The following MOV10L1 variants were observed in gnomAD, a reference collection of about 807,000 sequenced individuals.
The protein encoded by MOV10L1 is RNA helicase Mov10l1.
MOV10L1 carries 110 observed loss-of-function variants against 143.8 expected under a neutral mutation model. That is an observed-to-expected ratio of 0.76 (90% CI 0.66 to 0.90). The LOEUF (loss-of-function observed/expected upper bound fraction) is 0.90. Among genes scored for constraint, MOV10L1 ranks in the 40% least tolerant of loss-of-function variants. The pLI is 0.00. For missense variants in MOV10L1, 1,406 were observed against 1,526.8 expected (o/e 0.92, Z 1.32); for synonymous variants, 593 against 581.1 (o/e 1.02, Z -0.29).
intron 2 of MOV10L1, among the ~76,000 whole-genome samples, chr22:50,099,174 TA>T (rs2062672636): frequency 6.6e-6 from 1 of 152,202 alleles, no homozygotes; most frequent in African/African-American, 2.4e-5. Context: ...GGAATCTTAT[TA>T]GGAGGCTTTG....
chr22:50,152,498 C>A lies in MOV10L1; in HGVS notation c.2893-547C>A, dbSNP rs1030729846. Among the ~76,000 whole-genome samples the A allele has an allele frequency of 1.3e-4, 20 of 152,172 alleles. No homozygotes were observed. The highest frequency in any genetic ancestry group is 4.3e-4 in the African/African-American group (18 of 41,436). On this transcript the variant is annotated intron_variant, in intron 21 of 26. Transcript: ENST00000262794. This position sits in a 1 kb window ranked among gnomAD's most constrained non-coding sequence, Gnocchi z 4.4. ...AGTTGGAGGCAGACAGTAAAGGTGT[C>A]CCATGTACTGGTGATATCACAGTCA... is the stretch of plus-strand genomic sequence containing the variant.
chr22:50,128,435 C>G lies in MOV10L1; in HGVS notation c.1838C>G (p.Thr613Ser). Residue 613 changes from threonine to serine, a missense_variant, in exon 13 of 27, where the codon ACT (threonine) becomes AGT (serine). Coordinates refer to ENST00000262794, the MANE Select transcript of MOV10L1 (RefSeq NM_018995.3). ...TTTTAGATTCATGAAGAAGATGTAA[C>G]TCTTAAAATTAATCCAGAATTTGAA... ...YVTEIHEEDV[T>S]LKINPEFEQA... 1 of 1,525,624 alleles carries G rather than the reference C, an allele frequency of 6.6e-7. No homozygotes were observed. The allele number at this position is 1,525,624 out of a possible 1,614,324, so 94.5% of individuals were successfully genotyped here.
intron 13 of MOV10L1, among the ~76,000 whole-genome samples, chr22:50,130,418 C>T (rs997554892): frequency 1.3e-5 from 2 of 151,998 alleles, no homozygotes; most frequent in African/African-American, 2.4e-5. Flanking sequence ...ATTTGGGCTA[C>T]AGCCAGATTG....
At chr22:50,111,694 G>C (rs1484771382) in intron 5 of MOV10L1, among the ~76,000 whole-genome samples, 1 of 151,550 alleles carries the variant, frequency 6.6e-6, no homozygotes, top group Admixed American at 6.6e-5. Context: ...TAATAGAGAC[G>C]GGGTTTCACC....
At chr22:50,111,299 A>G (rs1339667861) in intron 5 of MOV10L1, among the ~76,000 whole-genome samples, 2 of 152,128 alleles carry the variant, frequency 1.3e-5, no homozygotes, top group Non-Finnish European at 2.9e-5. Flanking sequence ...GGAAAGGAAA[A>G]GGAACAGGGA....
rs750009723 is a variant in MOV10L1, at chr22:50,150,893, CCT to C, written c.2887_2888del (p.Leu963ValfsTer48). 3.3e-5 allele frequency: 53 copies of C among 1,614,048 alleles called. No homozygotes were observed. Among genetic ancestry groups the C allele is most frequent in the Non-Finnish European group, 3.1e-5 (37 of 1,180,034 alleles). The part of the protein sequence containing the change: ...AFGACGAHNP[L>X]LVTKLVKNYR... ...TCGGTGCTTGTGGCGCACATAATCC[CCT>C]GTTGGTGAGTCACAGACTCCAGCGC... On this transcript the variant is annotated frameshift_variant, in exon 21 of 27. Transcript: ENST00000262794. LOFTEE classifies it high-confidence loss of function.
intron 5 of MOV10L1, among the ~76,000 whole-genome samples, chr22:50,111,304 CAG>C (rs766966592): frequency 8.6e-5 from 13 of 152,022 alleles, no homozygotes; most frequent in South Asian, 6.2e-4. Flanking sequence ...GGAAAAGGAA[CAG>C]GGAGGGAGAG....
chr22:50,090,676 TTG>T lies in MOV10L1; in HGVS notation c.97+508_97+509del, dbSNP rs150705221. On this transcript the variant is annotated intron_variant, in intron 1 of 26. Coordinates refer to ENST00000262794, the MANE Select transcript of MOV10L1 (RefSeq NM_018995.3). ...TCACCGTTCCTTTCTCCTGAGGTGT[TTG>T]TGTGTGTGTGTGTGTGAGACGGAGT... 7.8e-3 allele frequency: 5,979 copies of T among 762,050 alleles called. 3 individuals are homozygous for T. Among genetic ancestry groups the T allele is most frequent in the African/African-American group, 0.01 (587 of 57,842 alleles). 47.2% of individuals were successfully genotyped at this position (762,050 alleles called of 1,614,324 possible).
chr22:50,128,823 G>A lies in MOV10L1; in HGVS notation c.1910+316G>A, dbSNP rs547661258. Among the ~76,000 whole-genome samples the A allele has an allele frequency of 9.3e-5, 14 of 150,960 alleles. No individual in the cohort carries two copies. The South Asian group carries it at 2.1e-3, about 23-fold the overall frequency. On this transcript the variant is annotated intron_variant, in intron 13 of 26. Coordinates refer to ENST00000262794, the MANE Select transcript of MOV10L1 (RefSeq NM_018995.3). ...CTCCCAAAGTGCTGGGATTACAGGCGTGAGTCACCACGCCCGGCCATCTTT... is the reference window on the plus strand; with the variant it reads ...CTCCCAAAGTGCTGGGATTACAGGCATGAGTCACCACGCCCGGCCATCTTT...
At chr22:50,136,865 A>T (rs2062834886) in intron 15 of MOV10L1, among the ~76,000 whole-genome samples, 1 of 152,206 alleles carries the variant, frequency 6.6e-6, no homozygotes, top group South Asian at 2.1e-4. Flanking sequence ...AAAAGTTGAC[A>T]CAGTGCCAGA....
intron 13 of MOV10L1, among the ~76,000 whole-genome samples, chr22:50,129,548 T>TA (rs1468983449): frequency 2.0e-5 from 3 of 152,234 alleles, no homozygotes; most frequent in South Asian, 2.1e-4. Flanking sequence ...TGTTTGCTGT[T>TA]ACGATTGTTT....
intron 24 of MOV10L1, 147 bp from the exon 25 acceptor site, chr22:50,160,541 C>G: frequency 9.8e-7 from 1 of 1,023,198 alleles, no homozygotes; most frequent in Non-Finnish European, 1.4e-6. Context: ...CGTGAGCCAC[C>G]GCGCCCGGCC....
intron 15 of MOV10L1, among the ~76,000 whole-genome samples, chr22:50,141,146 G>T (rs35273734): frequency 0.23 from 34,488 of 151,806 alleles, 4,282 homozygotes; most frequent in Admixed American, 0.35. Flanking sequence ...CACCTCCCGG[G>T]TTCAAGCTAT....
intron 9 of MOV10L1, among the ~76,000 whole-genome samples, chr22:50,119,242 C>T (rs559494514): frequency 6.6e-6 from 1 of 152,304 alleles, no homozygotes; most frequent in Admixed American, 6.5e-5. Flanking sequence ...AGTTTCCTGC[C>T]ACTCAGGTTA....
chr22:50,149,653 G>A lies in MOV10L1; in HGVS notation c.2666G>A (p.Gly889Glu), dbSNP rs763186580. Residue 889 changes from glycine to glutamate, a missense_variant, in exon 20 of 27, where the codon GGG becomes GAG. By Grantham distance (98) the Gly-to-Glu change is moderately conservative. Around this residue, in one of 3 missense-constraint regions of MOV10L1, gnomAD observed 1,233 missense variants for 1,351.4 expected, o/e 0.91. Transcript: ENST00000262794. ...HFTHVFVDEAGQASEPECLIP... is the reference protein window; with the variant it reads ...HFTHVFVDEAEQASEPECLIP... Reference sequence around the variant, plus strand: ...ACTCACGTGTTTGTGGACGAGGCTGGGCAGGCAAGTGAGCCGGAATGCCTC... The same window carrying A: ...ACTCACGTGTTTGTGGACGAGGCTGAGCAGGCAAGTGAGCCGGAATGCCTC... 2.4e-5 allele frequency: 38 copies of A among 1,614,020 alleles called. No individual in the cohort carries two copies. In the South Asian group the frequency reaches 3.2e-4, roughly 14 times the overall value.
chr22:50,099,669 C>T lies in MOV10L1; in HGVS notation c.442+67C>T. ...TGTCTTTTAAAGAATTGTTATGGACCAGGCACGGTGGCTCATGCCTATAAT... is the reference window on the plus strand; with the variant it reads ...TGTCTTTTAAAGAATTGTTATGGACTAGGCACGGTGGCTCATGCCTATAAT... On this transcript the variant is annotated intron_variant, in intron 3 of 26. Coordinates refer to ENST00000262794, the MANE Select transcript of MOV10L1 (RefSeq NM_018995.3). 19 of 1,530,394 alleles carry T rather than the reference C, an allele frequency of 1.2e-5. No individual in the cohort carries two copies. In the South Asian group the frequency reaches 2.3e-4, roughly 19 times the overall value. 94.8% of individuals were successfully genotyped at this position (1,530,394 alleles called of 1,614,324 possible).
chr22:50,128,205 G>C (rs4838842), intron 12 of MOV10L1, among the ~76,000 whole-genome samples: 32,612 of 152,206 alleles, frequency 0.21, 3,877 homozygotes, highest in Admixed American at 0.35. Flanking sequence ...CTACAGCCAA[G>C]TGAATAGAAG....
intron 1 of MOV10L1, 87 bp downstream of exon 1, chr22:50,090,272 A>T: frequency 7.0e-7 from 1 of 1,434,724 alleles, no homozygotes; most frequent in Non-Finnish European, 9.1e-7. Context: ...CTTTGAGTGC[A>T]GTGCGGGCCG....
intron 9 of MOV10L1, among the ~76,000 whole-genome samples, chr22:50,118,405 C>T (rs1378851119): frequency 2.6e-5 from 4 of 152,200 alleles, no homozygotes; most frequent in Admixed American, 6.5e-5. Context: ...ACTCAGTAAG[C>T]GAATAAGCAG....
Sources: gnomAD v4.1 joint callset for allele counts (sites outside exome capture counted in the v4.1 genomes callset) on GRCh38, gnomAD v4.1.1 for gene constraint, gnomAD v4.1.1 regional missense constraint, Gnocchi (gnomAD v3.1) non-coding constraint, MANE v1.5 for transcripts, NCBI Gene and HGNC (gene_info 2026-07-23, HGNC 2026-07-21) for gene names.